Variants in CNKSR2 observed in about 807,000 individuals in gnomAD.
The protein encoded by CNKSR2 is connector enhancer of kinase suppressor of Ras 2.
Under a neutral mutation model 84.4 loss-of-function variants are expected in CNKSR2, and 14 were observed. The observed-to-expected ratio is 0.17, with a 90% CI of 0.11 to 0.26. The LOEUF (loss-of-function observed/expected upper bound fraction) is 0.26, where lower values mean the gene tolerates loss of function less well. CNKSR2 is among the 10% of genes least tolerant of loss of function. The pLI is 1.00. For synonymous variants in CNKSR2, 275 were observed against 277.9 expected, an observed-to-expected ratio of 0.99 and a Z score of 0.10; for missense variants, 485 against 771.2, an observed-to-expected ratio of 0.63 and a Z score of 4.40.
At position 21,596,771 on chromosome X, in the gene CNKSR2, C is replaced by T. The variant is rs180723555; in HGVS notation, c.1976+1376C>T. On this transcript the variant is annotated intron_variant, in intron 17 of 21. Transcript: ENST00000379510. ...TTACTAATAAAGGAATTGAGCCTTT[C>T]GTATAGTTTCCATAATCTTCTCTTA... Among the ~76,000 whole-genome samples, 413 of 110,000 alleles carry T rather than the reference C, an allele frequency of 3.8e-3. 4 individuals are homozygous for T. Among genetic ancestry groups the T allele is most frequent in the Non-Finnish European group, 6.6e-3 (349 of 52,686 alleles).
At chrX:21,496,305 A>G (rs1192229816) in intron 6 of CNKSR2, among the ~76,000 whole-genome samples, 4 of 111,581 alleles carry the variant, frequency 3.6e-5, no homozygotes, top group Non-Finnish European at 7.5e-5. Context: ...AAATAATACC[A>G]TTATATTTAC....
In CNKSR2 at chrX:21,577,037, C is replaced by T. The variant is rs191717145; in HGVS notation, c.1609-13535C>T. Among the ~76,000 whole-genome samples, 372 of 111,440 alleles carry T rather than the reference C, an allele frequency of 3.3e-3. 2 individuals are homozygous for T. Among genetic ancestry groups the T allele is most frequent in the Middle Eastern group, 0.023 (5 of 218 alleles). ...ACAAGACTTGTAACTTAATGGAATT[C>T]CTAAGATACTGATTAAATTCATCAG... On this transcript the variant is annotated intron_variant, in intron 13 of 21. Transcript: ENST00000379510.
At chrX:21,621,829 A>G (rs2092603164) in intron 20 of CNKSR2, among the ~76,000 whole-genome samples, 1 of 110,484 alleles carries the variant, frequency 9.1e-6, no homozygotes, top group African/African-American at 3.3e-5. Context: ...TTAAATTCAT[A>G]TTGGTTTGTC....
chrX:21,479,172 C>T (rs141687691), intron 5 of CNKSR2, among the ~76,000 whole-genome samples: 3,056 of 111,489 alleles, frequency 0.027, 38 homozygotes, highest in Non-Finnish European at 0.045. Flanking sequence ...ATTTGACTTT[C>T]TGTTTCTGAG....
intron 9 of CNKSR2, among the ~76,000 whole-genome samples, chrX:21,520,525 G>C (rs2091772099): frequency 9.1e-6 from 1 of 110,170 alleles, no homozygotes; most frequent in Non-Finnish European, 1.9e-5. Context: ...TATATTTTTA[G>C]ATGTTTGTGG....
chrX:21,634,573 TAGAAAG>T (rs1243582356), intron 20 of CNKSR2, among the ~76,000 whole-genome samples: 2 of 111,029 alleles, frequency 1.8e-5, no homozygotes, highest in South Asian at 7.7e-4. Flanking sequence ...CAAGCTCAGT[TAGAAAG>T]AGTAAGCAGA....
intron 20 of CNKSR2, among the ~76,000 whole-genome samples, chrX:21,635,880 G>T (rs1310418952): frequency 9.0e-6 from 1 of 110,837 alleles, no homozygotes; most frequent in Non-Finnish European, 1.9e-5. Flanking sequence ...TTCAAGTCGA[G>T]TGTGATGGAC....
At chrX:21,427,841 G>A (rs1007896044) in intron 2 of CNKSR2, 12 of 112,213 alleles carry the variant, frequency 1.1e-4, no homozygotes, top group African/African-American at 3.9e-4. Context: ...AGTGTAGAAG[G>A]AAATGAACAC....
rs372704978 is a variant in CNKSR2, at chrX:21,380,761, A to G, written c.64+5800A>G. 3.4e-3 allele frequency among the ~76,000 whole-genome samples: 381 copies of G among 111,612 alleles called. 2 individuals are homozygous for G. Among genetic ancestry groups the G allele is most frequent in the South Asian group, 0.015 (41 of 2,689 alleles). On this transcript the variant is annotated intron_variant, in intron 1 of 21. Coordinates refer to ENST00000379510, the MANE Select transcript of CNKSR2 (RefSeq NM_014927.5). ...CTGCACCCAGCCTCAATTTGTTCTT[A>G]ATGACTTTTAGCTTTCTATGTGTCT...
intron 1 of CNKSR2, among the ~76,000 whole-genome samples, chrX:21,409,763 A>C (rs1303790236): frequency 9.0e-6 from 1 of 110,877 alleles, no homozygotes; most frequent in Non-Finnish European, 1.9e-5. Flanking sequence ...CACAGGCTTC[A>C]CTTTTGGGAA....
chrX:21,652,563 T>A lies in CNKSR2; in HGVS notation c.*42T>A. Reference sequence around the variant, plus strand: ...GACCATCTAGTACCTGCTGGTACTCTGAACAAGTATATAAGGTAGTTTTTA... The same window carrying A: ...GACCATCTAGTACCTGCTGGTACTCAGAACAAGTATATAAGGTAGTTTTTA... On this transcript the variant is annotated 3_prime_UTR_variant, in exon 22 of 22. Transcript: ENST00000379510. 1 of 978,026 alleles carries A rather than the reference T, an allele frequency of 1.0e-6. No individual in the cohort carries two copies. Among genetic ancestry groups the A allele is most frequent in the Non-Finnish European group, 1.5e-6 (1 of 688,012 alleles). 80.6% of individuals were successfully genotyped at this position (978,026 alleles called of 1,213,427 possible). A position where few individuals can be genotyped will look rare whatever the true frequency, so the allele number is the denominator to read the frequency against.
chrX:21,403,490 T>C (rs1284633556), intron 1 of CNKSR2, among the ~76,000 whole-genome samples: 2 of 111,396 alleles, frequency 1.8e-5, no homozygotes, highest in African/African-American at 3.3e-5. Context: ...CGGTGAGATA[T>C]GGAAAGTATG....
chrX:21,396,247 C>T (rs2090120317), intron 1 of CNKSR2, among the ~76,000 whole-genome samples: 1 of 109,889 alleles, frequency 9.1e-6, no homozygotes, highest in African/African-American at 3.3e-5. Flanking sequence ...ATTCTAAATA[C>T]ACCTGTAAGA....
chrX:21,548,281 A>G (rs1188869095), intron 11 of CNKSR2, among the ~76,000 whole-genome samples: 3 of 112,312 alleles, frequency 2.7e-5, no homozygotes, highest in Non-Finnish European at 5.6e-5. Context: ...ATCAGAGAAT[A>G]CTATCAACAC....
chrX:21,616,005 C>G (rs1422983041), intron 20 of CNKSR2, among the ~76,000 whole-genome samples: 1 of 111,510 alleles, frequency 9.0e-6, no homozygotes, highest in Admixed American at 9.6e-5. Flanking sequence ...CAAAAGAAAC[C>G]TTGCATTCCA....
chrX:21,528,220 T>C (rs1471682576), intron 10 of CNKSR2, among the ~76,000 whole-genome samples: 1 of 111,303 alleles, frequency 9.0e-6, no homozygotes, highest in Non-Finnish European at 1.9e-5. Flanking sequence ...TGCATTTTAA[T>C]TCTGTTAAGA....
rs904272904 is a variant in CNKSR2 at position 21,652,448 on chromosome X, G to A, written c.3032G>A (p.Ser1011Asn). The A allele has an allele frequency of 8.3e-7, 1 of 1,210,119 alleles. No homozygotes were observed. The highest frequency in any genetic ancestry group is 1.1e-6 in the Non-Finnish European group (1 of 894,097). ...AATACCACCTCAAATGACCCACTGA[G>A]TATTTCTTCTGAAGTAGATGTAATC... ...CQNTTSNDPL[S>N]ISSEVDVITS... The change falls in exon 22 of 22, where the codon AGT becomes AAT. Residue 1011 changes from serine to asparagine, a missense_variant. Physicochemically the swap from Ser to Asn is conservative, Grantham distance 46. This residue lies in a region of CNKSR2 where 210 missense variants were observed against 291.5 expected (regional missense o/e 0.72). Coordinates refer to ENST00000379510, the MANE Select transcript of CNKSR2 (RefSeq NM_014927.5).
At chrX:21,425,326 A>G (rs1290263954) in intron 1 of CNKSR2, 1 of 111,760 alleles carries the variant, frequency 8.9e-6, no homozygotes, top group Non-Finnish European at 1.9e-5. Flanking sequence ...AGAATGAAAG[A>G]AAAAGAAGAT....
intron 13 of CNKSR2, among the ~76,000 whole-genome samples, chrX:21,573,579 C>T (rs1456197261): frequency 8.9e-6 from 1 of 112,288 alleles, no homozygotes; most frequent in Non-Finnish European, 1.9e-5. Flanking sequence ...AGGCTCAACA[C>T]CACATGGGAG....
Sources: allele counts gnomAD v4.1 joint callset (sites outside exome capture counted in the v4.1 genomes callset), GRCh38; gene constraint gnomAD v4.1.1; regional missense constraint gnomAD v4.1.1; transcripts MANE v1.5; gene names NCBI Gene and HGNC (gene_info 2026-07-23, HGNC 2026-07-21).